The following SLC36A1 variants were observed in gnomAD, a reference collection of about 807,000 sequenced individuals.
The protein encoded by SLC36A1 is proton-coupled amino acid transporter 1.
Under a neutral mutation model 47.5 loss-of-function variants are expected in SLC36A1, and 30 were observed. The observed-to-expected ratio is 0.63, with a 90% CI of 0.47 to 0.86. The LOEUF is 0.86. Among genes scored for constraint, SLC36A1 ranks in the 40% least tolerant of loss-of-function variants. The pLI, the probability that SLC36A1 is intolerant of heterozygous loss-of-function variation, is 0.00. For missense variants in SLC36A1, 517 were observed against 606.0 expected (o/e 0.85, Z 1.54); for synonymous variants, 255 against 249.7 (o/e 1.02, Z -0.20).
At chr5:151,354,846 G>A in the SLC36A1 span, among the ~76,000 whole-genome samples, 1 of 152,148 alleles carries the variant, frequency 6.6e-6, no homozygotes, top group Admixed American at 6.5e-5. Context: ...AGCCTCACCA[G>A]AACTATATAT....
chr5:151,367,952 G>T, the SLC36A1 span, among the ~76,000 whole-genome samples: 1 of 152,132 alleles, frequency 6.6e-6, no homozygotes, highest in Non-Finnish European at 1.5e-5. Context: ...TCCAACATGT[G>T]TCCTTTCTAA....
chr5:151,419,367 G>T, the SLC36A1 span, among the ~76,000 whole-genome samples: 2 of 152,182 alleles, frequency 1.3e-5, no homozygotes, highest in Non-Finnish European at 2.9e-5. Context: ...TTGGATTCTA[G>T]CAGCTCTGGC....
At chr5:151,544,551 G>C in the SLC36A1 span, 1 of 1,614,070 alleles carries the variant, frequency 6.2e-7, no homozygotes, top group Non-Finnish European at 8.5e-7. Flanking sequence ...GGGCCTGGGT[G>C]TGGAGAATTG....
chr5:151,451,394 A>G (rs1753646515), intron 1 of SLC36A1, among the ~76,000 whole-genome samples: 1 of 151,758 alleles, frequency 6.6e-6, no homozygotes, highest in African/African-American at 2.4e-5. Context: ...AGGAAAAGCC[A>G]CTCTGTGCTT....
At chr5:151,452,065 G>A (rs2127455085) in intron 1 of SLC36A1, among the ~76,000 whole-genome samples, 1 of 152,246 alleles carries the variant, frequency 6.6e-6, no homozygotes, top group East Asian at 1.9e-4. Flanking sequence ...CTAACATTTA[G>A]TGATCTTCAT....
chr5:151,526,108 A>G, the SLC36A1 span: 5 of 826,726 alleles, frequency 6.0e-6, no homozygotes, highest in African/African-American at 1.7e-5. Flanking sequence ...GCTGCTGCTC[A>G]TTCATTCTGC....
chr5:151,474,031 A>C (rs1033295956), intron 8 of SLC36A1, among the ~76,000 whole-genome samples: 1 of 151,738 alleles, frequency 6.6e-6, no homozygotes, highest in Admixed American at 6.6e-5. Flanking sequence ...ATGGTGGCAC[A>C]CGCCTATAAT....
chr5:151,415,862 T>C, the SLC36A1 span, among the ~76,000 whole-genome samples: 33 of 152,124 alleles, frequency 2.2e-4, no homozygotes, highest in African/African-American at 7.2e-4. Flanking sequence ...TCCCAGCACT[T>C]TGGGAGGCTG....
At chr5:151,361,144 T>G in the SLC36A1 span, among the ~76,000 whole-genome samples, 1 of 152,236 alleles carries the variant, frequency 6.6e-6, no homozygotes, top group Non-Finnish European at 1.5e-5. Flanking sequence ...TGGTGTAATC[T>G]TTTCACATTT....
At chr5:151,381,393 C>T in the SLC36A1 span, 21 of 169,694 alleles carry the variant, frequency 1.2e-4, no homozygotes, top group Non-Finnish European at 2.5e-4. Flanking sequence ...GCTTCTAACC[C>T]CCAAGCCATC....
the SLC36A1 span, chr5:151,540,647 A>G: frequency 6.2e-7 from 1 of 1,614,194 alleles, no homozygotes; most frequent in Non-Finnish European, 8.5e-7. Flanking sequence ...TTGCCATCAG[A>G]TGCTGTGACT....
chr5:151,482,019 T>C (rs955692930), intron 10 of SLC36A1, among the ~76,000 whole-genome samples: 1 of 152,220 alleles, frequency 6.6e-6, no homozygotes, highest in African/African-American at 2.4e-5. Context: ...TGAAACATTT[T>C]ACTTCAGTTT....
chr5:151,456,584 A>G (rs11954054), intron 1 of SLC36A1, among the ~76,000 whole-genome samples: 32,338 of 151,876 alleles, frequency 0.21, 3,586 homozygotes, highest in East Asian at 0.39. Context: ...AGTGAGTTTA[A>G]TTGCCCCAGA....
At chr5:151,540,428 T>G in the SLC36A1 span, 118 of 540,438 alleles carry the variant, frequency 2.2e-4, no homozygotes, top group African/African-American at 2.1e-3. Flanking sequence ...TGCCCCTCAA[T>G]CTCCCTTCTC....
chr5:151,528,776 A>G, the SLC36A1 span, among the ~76,000 whole-genome samples: 4 of 152,236 alleles, frequency 2.6e-5, no homozygotes, highest in East Asian at 5.8e-4. Flanking sequence ...ATTTAAATGC[A>G]AAGAGGTATT....
the SLC36A1 span, among the ~76,000 whole-genome samples, chr5:151,362,954 G>T: frequency 6.6e-6 from 1 of 152,208 alleles, no homozygotes; most frequent in Admixed American, 6.5e-5. Flanking sequence ...TGCTTTGTCT[G>T]TTTGGGGAAG....
At chr5:151,436,360 C>T (rs769723281), upstream of SLC36A1, among the ~76,000 whole-genome samples, 1 of 152,006 alleles carries the variant, frequency 6.6e-6, no homozygotes, top group Non-Finnish European at 1.5e-5. Context: ...CTCTTTCTAG[C>T]CTCTACAGTA....
At chr5:151,451,869 G>T (rs1753711177) in intron 1 of SLC36A1, among the ~76,000 whole-genome samples, 1 of 152,186 alleles carries the variant, frequency 6.6e-6, no homozygotes, top group Admixed American at 6.5e-5. Context: ...TTTAAGGAGG[G>T]TATATAATTT....
rs1285256885 is a variant in SLC36A1, at chr5:151,491,329, A to T, written c.*3075A>T. ...TCATCTGCACAAGCCCTGGCTAGAT[A>T]TGTGTGAATGTGTGGCATCATTTCA... On this transcript the variant is annotated 3_prime_UTR_variant, in exon 11 of 11. Transcript: ENST00000243389. 3.3e-5 allele frequency: 5 copies of T among 152,640 alleles called. No homozygotes were observed. The highest frequency in any genetic ancestry group is 9.6e-5 in the African/African-American group (4 of 41,456). The allele number at this position is 152,640 out of a possible 1,614,324, so 9.5% of individuals were successfully genotyped here.
Sources: gnomAD v4.1 joint callset for allele counts (sites outside exome capture counted in the v4.1 genomes callset) on GRCh38, gnomAD v4.1.1 for gene constraint, MANE v1.5 for transcripts, NCBI Gene and HGNC (gene_info 2026-07-23, HGNC 2026-07-21) for gene names.